CCDC90B: variants seen among roughly 807,000 people sequenced by gnomAD.
The protein encoded by CCDC90B is coiled-coil domain-containing protein 90B, mitochondrial.
A neutral mutation model predicts 37.0 loss-of-function variants in CCDC90B; 24 were observed. The ratio of observed to expected loss-of-function variants is 0.65; its 90% confidence interval spans 0.47 to 0.91. The LOEUF is 0.91. Among genes scored for constraint, CCDC90B ranks in the 40% least tolerant of loss-of-function variants. The pLI is 0.00. For missense variants in CCDC90B, 319 were observed against 299.0 expected (o/e 1.07, Z -0.49); for synonymous variants, 113 against 101.1 (o/e 1.12, Z -0.71).
chr11:83,262,351 T>A (rs1002280751), intron 8 of CCDC90B, among the ~76,000 whole-genome samples: 1 of 152,160 alleles, frequency 6.6e-6, no homozygotes, highest in Non-Finnish European at 1.5e-5. Flanking sequence ...CATATATCTG[T>A]GAGAAGAGAA....
chr11:83,284,383 T>G (rs1390756575), intron 1 of CCDC90B, among the ~76,000 whole-genome samples: 1 of 152,232 alleles, frequency 6.6e-6, no homozygotes, highest in African/African-American at 2.4e-5. Flanking sequence ...AGTTTTATAT[T>G]AATTTACTGC....
intron 8 of CCDC90B, 127 bp downstream of exon 8, chr11:83,265,738 G>A (rs891692412): frequency 6.6e-6 from 4 of 610,264 alleles, no homozygotes; most frequent in South Asian, 4.1e-5. Flanking sequence ...GCACTACAGG[G>A]GACCAAGCAA....
Position 83,261,827 on chromosome 11 carries a change from G to C in CCDC90B, c.*84C>G. On this transcript the variant is annotated 3_prime_UTR_variant, in exon 9 of 9. Coordinates refer to ENST00000529689, the MANE Select transcript of CCDC90B (RefSeq NM_021825.5). Reference sequence around the variant, plus strand: ...GAATAATCTTGTGTAGTAAATTTTTGCTGCAACTGACAATGTTCAAAGTAA... The same window carrying C: ...GAATAATCTTGTGTAGTAAATTTTTCCTGCAACTGACAATGTTCAAAGTAA... 1.1e-6 allele frequency: 1 copy of C among 924,534 alleles called. No individual in the cohort carries two copies. Among genetic ancestry groups the C allele is most frequent in the East Asian group, 2.5e-5 (1 of 39,892 alleles). 57.3% of individuals were successfully genotyped at this position (924,534 alleles called of 1,614,324 possible).
intron 1 of CCDC90B, chr11:83,285,648 A>G: frequency 7.2e-7 from 1 of 1,386,012 alleles, no homozygotes; most frequent in Non-Finnish European, 9.3e-7. Context: ...CAGGCCTTCA[A>G]AGGTTCGCTT....
At chr11:83,278,411 C>T (rs1252629824) in intron 3 of CCDC90B, among the ~76,000 whole-genome samples, 1 of 152,194 alleles carries the variant, frequency 6.6e-6, no homozygotes, top group Non-Finnish European at 1.5e-5. Flanking sequence ...ATTAGCTCTT[C>T]TGTGGTGAGC....
intron 3 of CCDC90B, 132 bp from the exon 4 acceptor site, chr11:83,274,872 T>C (rs1431734079): frequency 3.8e-6 from 2 of 529,516 alleles, no homozygotes; most frequent in East Asian, 3.6e-5. Context: ...TAAGTAAATA[T>C]GAAACCTACA....
chr11:83,278,844 T>C lies in CCDC90B; in HGVS notation c.221-15A>G, dbSNP rs757668854. 4 of 1,533,808 alleles carry C rather than the reference T, an allele frequency of 2.6e-6. No homozygotes were observed. Among genetic ancestry groups the C allele is most frequent in the African/African-American group, 2.7e-5 (2 of 73,204 alleles). On this transcript the variant is annotated splice_polypyrimidine_tract_variant and intron_variant, in intron 2 of 8. Transcript: ENST00000529689. ...TTTGTCAAATCCTGTAGGCAGCAAA[T>C]AGGTATTTTATTTTTTTTAAAGTGT...
intron 7 of CCDC90B, among the ~76,000 whole-genome samples, chr11:83,270,975 C>G (rs986610676): frequency 6.6e-6 from 1 of 152,158 alleles, no homozygotes; most frequent in Non-Finnish European, 1.5e-5. Context: ...CACCACACAT[C>G]TACAACCATC....
intron 3 of CCDC90B, 103 bp from the exon 4 acceptor site, chr11:83,274,843 A>C (rs1864927393): frequency 2.8e-6 from 2 of 703,694 alleles, no homozygotes; most frequent in African/African-American, 3.6e-5. Context: ...ACATGCTACA[A>C]GGTATAATGT....
intron 1 of CCDC90B, among the ~76,000 whole-genome samples, chr11:83,283,320 T>C (rs1464742788): frequency 3.3e-5 from 5 of 152,204 alleles, no homozygotes; most frequent in African/African-American, 9.6e-5. Context: ...ATATTAAATC[T>C]GAGAGAAGTT....
intron 3 of CCDC90B, among the ~76,000 whole-genome samples, chr11:83,277,019 T>C (rs1340989760): frequency 2.6e-5 from 4 of 152,166 alleles, no homozygotes. Context: ...CTCTGTGCCT[T>C]ATTCTATACT....
At chr11:83,263,738 G>A (rs1334978243) in intron 8 of CCDC90B, among the ~76,000 whole-genome samples, 1 of 152,220 alleles carries the variant, frequency 6.6e-6, no homozygotes, top group East Asian at 1.9e-4. Flanking sequence ...GGAATGATAA[G>A]AGTCTAGGTG....
chr11:83,263,983 C>G lies in CCDC90B; in HGVS notation c.709+1882G>C, dbSNP rs536565944. On this transcript the variant is annotated intron_variant, in intron 8 of 8. Coordinates refer to ENST00000529689, the MANE Select transcript of CCDC90B (RefSeq NM_021825.5). ...TATAAATCGGCAGTTTTCTTTTAGACAGCAATTTGTTAATATCAAAAATCT... is the reference window on the plus strand; with the variant it reads ...TATAAATCGGCAGTTTTCTTTTAGAGAGCAATTTGTTAATATCAAAAATCT... Among the ~76,000 whole-genome samples, 3 of 152,242 alleles carry G rather than the reference C, an allele frequency of 2.0e-5. No homozygotes were observed. The South Asian group carries it at 6.2e-4, about 32-fold the overall frequency.
chr11:83,281,799 T>C (rs1427093023), intron 1 of CCDC90B, among the ~76,000 whole-genome samples: 1 of 152,044 alleles, frequency 6.6e-6, no homozygotes, highest in Non-Finnish European at 1.5e-5. Context: ...TCAGTAATAA[T>C]ATTTAAATAA....
chr11:83,263,221 TC>T (rs1398941935), intron 8 of CCDC90B, among the ~76,000 whole-genome samples: 7 of 152,246 alleles, frequency 4.6e-5, no homozygotes, highest in Non-Finnish European at 1.0e-4. Context: ...CTCTGCTGAT[TC>T]AACAGCTGAT....
Position 83,286,172 on chromosome 11 carries a change from T to A in CCDC90B, c.-200A>T. 5.9e-6 allele frequency: 9 copies of A among 1,536,072 alleles called. No homozygotes were observed. Among genetic ancestry groups the A allele is most frequent in the Non-Finnish European group, 7.8e-6 (9 of 1,146,866 alleles). ...CAGACAGACCCACAGTTCGCGAGCA[T>A]GGCTCAGCGCTGCCCCGCTTCTCCC... On this transcript the variant is annotated 5_prime_UTR_variant, in exon 1 of 9. It removes an upstream start codon present in the reference 5' UTR. Coordinates refer to ENST00000529689, the MANE Select transcript of CCDC90B (RefSeq NM_021825.5).
chr11:83,265,187 T>A (rs1205444056), intron 8 of CCDC90B, among the ~76,000 whole-genome samples: 1 of 151,060 alleles, frequency 6.6e-6, no homozygotes, highest in Non-Finnish European at 1.5e-5. Context: ...TCTTCCTAAA[T>A]CACTGGGGCC....
chr11:83,285,378 AGTCTACAAT>A, intron 1 of CCDC90B: 1 of 1,171,576 alleles, frequency 8.5e-7, no homozygotes, highest in Non-Finnish European at 1.1e-6. Flanking sequence ...ATTTTCCCAA[AGTCTACAAT>A]GTGACTGAAA....
intron 3 of CCDC90B, among the ~76,000 whole-genome samples, chr11:83,276,774 G>C (rs1334857232): frequency 6.6e-6 from 1 of 152,178 alleles, no homozygotes; most frequent in Non-Finnish European, 1.5e-5. Context: ...CCATTGTTAA[G>C]TAGCTAAATC....
Sources: gnomAD v4.1 joint callset for allele counts (sites outside exome capture counted in the v4.1 genomes callset) on GRCh38, gnomAD v4.1.1 for gene constraint, MANE v1.5 for transcripts, NCBI Gene and HGNC (gene_info 2026-07-23, HGNC 2026-07-21) for gene names.